The following MAPKAP1 variants were observed in gnomAD, a reference collection of about 807,000 sequenced individuals.
MAPKAP1 encodes target of rapamycin complex 2 subunit MAPKAP1.
MAPKAP1 carries 20 observed loss-of-function variants against 65.7 expected under a neutral mutation model. The observed-to-expected ratio is 0.30, with a 90% CI of 0.21 to 0.44. The LOEUF (loss-of-function observed/expected upper bound fraction) is 0.44. MAPKAP1 is among the 20% of genes least tolerant of loss of function. The probability of loss-of-function intolerance (pLI) is 1.00; values close to 1 mark genes in which losing one functional copy is unlikely to be tolerated. For synonymous variants in MAPKAP1, 222 were observed against 244.3 expected (o/e 0.91, Z 0.85); for missense variants, 423 against 648.0 (o/e 0.65, Z 3.77).
At chr9:125,560,226 AG>A (rs996572109) in intron 5 of MAPKAP1, among the ~76,000 whole-genome samples, 1 of 152,202 alleles carries the variant, frequency 6.6e-6, no homozygotes, top group Non-Finnish European at 1.5e-5. Flanking sequence ...AAAACTGTAA[AG>A]GGGGGAAGAT....
At chr9:125,688,729 C>T (rs1194653035) in intron 1 of MAPKAP1, among the ~76,000 whole-genome samples, 2 of 152,054 alleles carry the variant, frequency 1.3e-5, no homozygotes, top group Non-Finnish European at 2.9e-5. Flanking sequence ...GGCCGTAAGA[C>T]CCTCATCTCT....
intron 5 of MAPKAP1, among the ~76,000 whole-genome samples, chr9:125,582,000 C>G (rs1365291665): frequency 6.6e-6 from 1 of 152,086 alleles, no homozygotes; most frequent in Non-Finnish European, 1.5e-5. Flanking sequence ...CATGTGGGAG[C>G]CTTTGAATCT....
chr9:125,610,320 A>T (rs1347786515), intron 4 of MAPKAP1, among the ~76,000 whole-genome samples: 2 of 152,242 alleles, frequency 1.3e-5, no homozygotes, highest in African/African-American at 4.8e-5. Context: ...AACAGAAAAC[A>T]GTTAAACATA....
chr9:125,542,577 TGTCTTTTTATTC>T (rs975686799), intron 7 of MAPKAP1, among the ~76,000 whole-genome samples: 8 of 152,298 alleles, frequency 5.3e-5, no homozygotes, highest in African/African-American at 1.9e-4. Context: ...TCAAGTGATT[TGTCTTTTTATTC>T]GTCTTTTTTT....
intron 9 of MAPKAP1, among the ~76,000 whole-genome samples, chr9:125,475,731 T>C (rs1854082768): frequency 6.6e-6 from 1 of 152,212 alleles, no homozygotes; most frequent in Non-Finnish European, 1.5e-5. Flanking sequence ...ACAAAGATTC[T>C]GCACTAGGAC....
chr9:125,562,873 A>G (rs1830931622), intron 5 of MAPKAP1, among the ~76,000 whole-genome samples: 1 of 152,258 alleles, frequency 6.6e-6, no homozygotes, highest in South Asian at 2.1e-4. Context: ...ATTCAAATCC[A>G]GGCAGCCAAG....
chr9:125,467,550 G>A (rs926363227), intron 10 of MAPKAP1, among the ~76,000 whole-genome samples: 35 of 152,170 alleles, frequency 2.3e-4, no homozygotes, highest in African/African-American at 7.5e-4. Context: ...GGCGTTCGCC[G>A]CCTTGGGAAA....
chr9:125,568,214 A>T (rs1352293288), intron 5 of MAPKAP1, among the ~76,000 whole-genome samples: 1 of 152,128 alleles, frequency 6.6e-6, no homozygotes, highest in Non-Finnish European at 1.5e-5. Context: ...CTCTCGGTAA[A>T]GTCCTTGGAT....
At chr9:125,706,340 G>A (rs1835757873) in intron 1 of MAPKAP1, among the ~76,000 whole-genome samples, 1 of 151,998 alleles carries the variant, frequency 6.6e-6, no homozygotes, top group Non-Finnish European at 1.5e-5. Context: ...ATGGTGCTTT[G>A]TACAGTGCCA....
intron 4 of MAPKAP1, among the ~76,000 whole-genome samples, chr9:125,607,335 G>T (rs1289254084): frequency 1.3e-5 from 2 of 152,202 alleles, no homozygotes; most frequent in Admixed American, 1.3e-4. Flanking sequence ...TATAAAGGGT[G>T]TTTTTCAAAG....
At chr9:125,496,156 C>T (rs1854937640) in intron 8 of MAPKAP1, among the ~76,000 whole-genome samples, 1 of 152,154 alleles carries the variant, frequency 6.6e-6, no homozygotes, top group Non-Finnish European at 1.5e-5. Flanking sequence ...CACAGTGGTG[C>T]CAAATATCCT....
At chr9:125,498,240 C>T (rs1465628364) in intron 8 of MAPKAP1, among the ~76,000 whole-genome samples, 1 of 152,218 alleles carries the variant, frequency 6.6e-6, no homozygotes, top group Non-Finnish European at 1.5e-5. Context: ...ATATCTGCTT[C>T]ATCTGTAAGC....
intron 4 of MAPKAP1, among the ~76,000 whole-genome samples, chr9:125,602,111 G>A (rs1416858565): frequency 1.3e-5 from 2 of 152,030 alleles, no homozygotes; most frequent in Admixed American, 6.6e-5. Flanking sequence ...AAATTAGACA[G>A]GTGTGACGGT....
At chr9:125,534,340 G>A (rs1390983278) in intron 7 of MAPKAP1, among the ~76,000 whole-genome samples, 5 of 152,124 alleles carry the variant, frequency 3.3e-5, no homozygotes, top group African/African-American at 1.2e-4. Context: ...TCCCCAACAA[G>A]TATTTAATTT....
chr9:125,550,416 G>A (rs1015693473), intron 6 of MAPKAP1, among the ~76,000 whole-genome samples: 1 of 152,162 alleles, frequency 6.6e-6, no homozygotes, highest in African/African-American at 2.4e-5. Flanking sequence ...GGAGCTCCCC[G>A]ACTTTGAAGA....
At chr9:125,548,217 G>T (rs1830484559) in intron 6 of MAPKAP1, among the ~76,000 whole-genome samples, 1 of 152,174 alleles carries the variant, frequency 6.6e-6, no homozygotes, top group Non-Finnish European at 1.5e-5. Context: ...CAACAATGTG[G>T]TCCCTAACCC....
At chr9:125,574,364 C>G (rs759082729) in intron 5 of MAPKAP1, among the ~76,000 whole-genome samples, 4 of 152,076 alleles carry the variant, frequency 2.6e-5, no homozygotes, top group Non-Finnish European at 4.4e-5. Flanking sequence ...AAAAAGCTGC[C>G]AGTAAAAGAA....
intron 10 of MAPKAP1, among the ~76,000 whole-genome samples, chr9:125,456,240 T>G (rs762176418): frequency 1.3e-5 from 2 of 152,238 alleles, no homozygotes; most frequent in Admixed American, 6.5e-5. Flanking sequence ...ATATTTATCA[T>G]GCTTAGCTTT....
intron 1 of MAPKAP1, among the ~76,000 whole-genome samples, chr9:125,701,138 G>A (rs73667035): frequency 0.027 from 4,054 of 152,242 alleles, 187 homozygotes; most frequent in African/African-American, 0.093. Flanking sequence ...GAAACAGAAA[G>A]CTTGGCATCC....
Sources: gnomAD v4.1 joint callset for allele counts (sites outside exome capture counted in the v4.1 genomes callset) on GRCh38, gnomAD v4.1.1 for gene constraint, MANE v1.5 for transcripts, NCBI Gene and HGNC (gene_info 2026-07-23, HGNC 2026-07-21) for gene names.